TMEM44: variants seen among roughly 807,000 people sequenced by gnomAD.
TMEM44 encodes the protein transmembrane protein 44.
In TMEM44, 43 loss-of-function variants were observed where a neutral mutation model predicts 47.8. The ratio of observed to expected loss-of-function variants is 0.90; its 90% CI spans 0.70 to 1.16. The LOEUF (loss-of-function observed/expected upper bound fraction) is 1.16, where lower values mean the gene tolerates loss of function less well. Ranked by LOEUF, TMEM44 falls within the 50% of genes most tolerant of loss-of-function variation. The pLI, the probability that TMEM44 is intolerant of heterozygous loss-of-function variation, is 0.00. For missense variants in TMEM44, 568 were observed against 555.2 expected, an observed-to-expected ratio of 1.02 and a Z score of -0.23; for synonymous variants, 277 against 238.8, an observed-to-expected ratio of 1.16 and a Z score of -1.48.
chr3:194,625,991 C>T lies in TMEM44; in HGVS notation c.265-1G>A. 6.2e-7 allele frequency: 1 copy of T among 1,611,700 alleles called. No individual in the cohort carries two copies. Among genetic ancestry groups the T allele is most frequent in the Non-Finnish European group, 8.5e-7 (1 of 1,178,008 alleles). Reference sequence around the variant, plus strand: ...CTGCTAGGTAGGCACCAGTGAAAACCTGGGAGCAAACGGGAAGAGAGTCTT... The same window carrying T: ...CTGCTAGGTAGGCACCAGTGAAAACTTGGGAGCAAACGGGAAGAGAGTCTT... On this transcript the variant is annotated splice_acceptor_variant, in intron 2 of 9. Transcript: ENST00000347147. LOFTEE classifies it high-confidence loss of function.
chr3:194,633,224 T>G lies in TMEM44; in HGVS notation c.-9A>C. 1 of 1,383,970 alleles carries G rather than the reference T, an allele frequency of 7.2e-7. No individual in the cohort carries two copies. The highest frequency in any genetic ancestry group is 9.4e-7 in the Non-Finnish European group (1 of 1,066,884). The allele number at this position is 1,383,970 out of a possible 1,614,324, so 85.7% of individuals were successfully genotyped here. ...CTGGGCGCCTCCCCCATGGCGCGGCTGGGCGCGCGGCGCGGGGCCGGGGAC... is the reference window on the plus strand; with the variant it reads ...CTGGGCGCCTCCCCCATGGCGCGGCGGGGCGCGCGGCGCGGGGCCGGGGAC... On this transcript the variant is annotated 5_prime_UTR_variant, in exon 1 of 10. Transcript: ENST00000347147.
intron 8 of TMEM44, among the ~76,000 whole-genome samples, chr3:194,608,699 C>T (rs1464584901): frequency 6.6e-6 from 1 of 152,094 alleles, no homozygotes; most frequent in Non-Finnish European, 1.5e-5. Context: ...AAACTCTGTG[C>T]AGCTAGACAG....
At chr3:194,608,422 T>G (rs1352234528) in intron 8 of TMEM44, among the ~76,000 whole-genome samples, 1 of 152,220 alleles carries the variant, frequency 6.6e-6, no homozygotes, top group Non-Finnish European at 1.5e-5. Flanking sequence ...TGCAAGGTTA[T>G]AGGCACCAGG....
intron 1 of TMEM44, among the ~76,000 whole-genome samples, chr3:194,632,074 C>A (rs149552239): frequency 6.6e-6 from 1 of 152,188 alleles, no homozygotes; most frequent in African/African-American, 2.4e-5. Context: ...TTGGTTCTTT[C>A]CTTTCACTCA....
At position 194,588,224 on chromosome 3, in the gene TMEM44, A is replaced by ACC; in HGVS notation, c.*304_*305insGG. 3.1e-6 allele frequency: 1 copy of ACC among 326,366 alleles called. No individual in the cohort carries two copies. The allele number at this position is 326,366 out of a possible 1,614,324, so 20.2% of individuals were successfully genotyped here. On this transcript the variant is annotated 3_prime_UTR_variant, in exon 10 of 10. Transcript: ENST00000347147. ...TCCGTTCATGGCTGACTCTCAAGGG[A>ACC]ATGAAGGGAAAAGGAAGAGCGGGTC...
At chr3:194,615,831 G>T in intron 6 of TMEM44, 134 bp from the exon 7 acceptor site, 2 of 1,225,576 alleles carry the variant, frequency 1.6e-6, no homozygotes, top group South Asian at 2.8e-5. Flanking sequence ...ATCCTGCCTG[G>T]GACAGAGAGG....
intron 2 of TMEM44, among the ~76,000 whole-genome samples, chr3:194,626,375 A>G (rs1717181062): frequency 6.6e-6 from 1 of 152,228 alleles, no homozygotes; most frequent in African/African-American, 2.4e-5. Flanking sequence ...TGCTTCCCTC[A>G]AAGACTGTCA....
intron 5 of TMEM44, 30 bp from the exon 6 acceptor site, chr3:194,617,299 G>GGGGGGGT: frequency 1.6e-6 from 1 of 619,738 alleles, no homozygotes; most frequent in Non-Finnish European, 2.7e-6. Context: ...GGCTGGGCGG[G>GGGGGGGT]AGAAGCAGCA....
intron 3 of TMEM44, among the ~76,000 whole-genome samples, chr3:194,624,128 G>A (rs563438197): frequency 3.3e-5 from 5 of 152,188 alleles, no homozygotes; most frequent in Admixed American, 6.5e-5. Context: ...AACTGTGCGC[G>A]GGACAAACAG....
At chr3:194,594,129 A>ATCTGTCTGTCTGTCTGTCTGTCTGTCTG (rs1182231663) in intron 9 of TMEM44, among the ~76,000 whole-genome samples, 25 of 121,708 alleles carry the variant, frequency 2.1e-4, no homozygotes, top group South Asian at 8.6e-4. Flanking sequence ...CTATCTATCT[A>ATCTGTCTGTCTGTCTGTCTGTCTGTCTG]TCTATCTATC....
intron 9 of TMEM44, chr3:194,588,874 T>A (rs1712208323): frequency 1.9e-6 from 1 of 528,794 alleles, no homozygotes; most frequent in Non-Finnish European, 3.4e-6. Context: ...AGCTTCACTT[T>A]CCTTCCCGCC....
intron 2 of TMEM44, 99 bp from the exon 3 acceptor site, chr3:194,626,089 A>G: frequency 1.1e-6 from 1 of 899,824 alleles, no homozygotes. Flanking sequence ...GGTTACACTG[A>G]TGCGGTGCTT....
Position 194,604,269 on chromosome 3 carries a change from C to T in TMEM44, c.1176+18G>A, listed in dbSNP as rs771697275. 1 of 1,571,718 alleles carries T rather than the reference C, an allele frequency of 6.4e-7. No individual in the cohort carries two copies. The highest frequency in any genetic ancestry group is 8.6e-7 in the Non-Finnish European group (1 of 1,159,374). On this transcript the variant is annotated intron_variant, in intron 9 of 9. Coordinates refer to ENST00000347147, the MANE Select transcript of TMEM44 (RefSeq NM_001011655.3). ...CGATGGCACCCACGCACCCGCCCAG[C>T]AGGCAACAGCCGTGTACCTCCAGGT...
At chr3:194,604,747 A>G (rs1258828787) in intron 8 of TMEM44, among the ~76,000 whole-genome samples, 1 of 152,146 alleles carries the variant, frequency 6.6e-6, no homozygotes, top group Non-Finnish European at 1.5e-5. Flanking sequence ...TTTTCACCTA[A>G]CACTATGCCT....
At position 194,605,562 on chromosome 3, in the gene TMEM44, C is replaced by T. The variant is rs139323788; in HGVS notation, c.1018-1117G>A. 6.5e-3 allele frequency among the ~76,000 whole-genome samples: 992 copies of T among 152,254 alleles called. 7 individuals are homozygous for T. The highest frequency in any genetic ancestry group is 0.022 in the African/African-American group (935 of 41,556). On this transcript the variant is annotated intron_variant, in intron 8 of 9. Transcript: ENST00000347147. ...AAGAGAGAGCTTGTGTAGGGGAGCT[C>T]CTCTTTATAAAACCATCAGATCTCG...
At chr3:194,623,376 C>G in intron 4 of TMEM44, 66 bp from the exon 5 acceptor site, 1 of 1,532,956 alleles carries the variant, frequency 6.5e-7, no homozygotes, top group Non-Finnish European at 8.8e-7. Context: ...CCCCAAGAAA[C>G]AGCCAAAGCT....
At chr3:194,627,993 CA>C (rs1363434867) in intron 2 of TMEM44, among the ~76,000 whole-genome samples, 9 of 147,012 alleles carry the variant, frequency 6.1e-5, no homozygotes, top group African/African-American at 1.0e-4. Context: ...AACAAACAAG[CA>C]AAAAAAAAAG....
At chr3:194,612,856 G>C (rs1288602918) in intron 7 of TMEM44, among the ~76,000 whole-genome samples, 1 of 151,400 alleles carries the variant, frequency 6.6e-6, no homozygotes, top group East Asian at 1.9e-4. Context: ...AGTAGAGACG[G>C]GGTTTCACTG....
chr3:194,606,871 T>G (rs1295018425), intron 8 of TMEM44, among the ~76,000 whole-genome samples: 1 of 140,738 alleles, frequency 7.1e-6, no homozygotes, highest in Non-Finnish European at 1.5e-5. Flanking sequence ...GAGAATCTCT[T>G]GAACACAGGA....
Sources: gnomAD v4.1 joint callset for allele counts (sites outside exome capture counted in the v4.1 genomes callset) on GRCh38, gnomAD v4.1.1 for gene constraint, MANE v1.5 for transcripts, NCBI Gene and HGNC (gene_info 2026-07-23, HGNC 2026-07-21) for gene names.